Variants in CDC42BPA observed in about 807,000 individuals in gnomAD.
The protein encoded by CDC42BPA is CDC42 binding protein kinase alpha.
A neutral mutation model predicts 223.5 loss-of-function variants in CDC42BPA; 80 were observed. The ratio of observed to expected loss-of-function variants is 0.36; its 90% confidence interval spans 0.30 to 0.43. The LOEUF (loss-of-function observed/expected upper bound fraction) is 0.43, where lower values mean the gene tolerates loss of function less well. Among genes scored for constraint, CDC42BPA ranks in the 20% least tolerant of loss-of-function variants. The probability of loss-of-function intolerance (pLI) is 1.00; values close to 1 mark genes in which losing one functional copy is unlikely to be tolerated. For synonymous variants in CDC42BPA, 694 were observed against 718.6 expected (o/e 0.97, Z 0.55); for missense variants, 1,743 against 2,099.9 (o/e 0.83, Z 3.32).
At chr1:227,307,589 G>C (rs1163957961) in intron 1 of CDC42BPA, among the ~76,000 whole-genome samples, 2 of 152,060 alleles carry the variant, frequency 1.3e-5, no homozygotes, top group African/African-American at 4.8e-5. Context: ...ATCCAAAGAG[G>C]CATACAAAAA....
chr1:227,155,006 T>C (rs1036347013), intron 6 of CDC42BPA, among the ~76,000 whole-genome samples: 6 of 152,262 alleles, frequency 3.9e-5, no homozygotes, highest in African/African-American at 9.6e-5. Context: ...TTAAGGTAAA[T>C]TGATTCAGCT....
chr1:227,208,708 G>A (rs1572375863), intron 3 of CDC42BPA, among the ~76,000 whole-genome samples: 1 of 151,536 alleles, frequency 6.6e-6, no homozygotes, highest in African/African-American at 2.4e-5. Flanking sequence ...CTGTTCCACT[G>A]ATCTATATCT....
At chr1:227,092,021 A>C in intron 15 of CDC42BPA, 30 bp from the exon 16 acceptor site, 1 of 1,255,756 alleles carries the variant, frequency 8.0e-7, no homozygotes, top group Non-Finnish European at 1.1e-6. Context: ...AAAAGGAAAA[A>C]GGGGAATTAA....
At chr1:227,200,066 G>A (rs1446403031) in intron 3 of CDC42BPA, among the ~76,000 whole-genome samples, 1 of 152,074 alleles carries the variant, frequency 6.6e-6, no homozygotes. Flanking sequence ...ATAATCTGAA[G>A]TCAGTGGATA....
intron 9 of CDC42BPA, among the ~76,000 whole-genome samples, chr1:227,141,557 G>A (rs893007350): frequency 1.3e-5 from 2 of 152,148 alleles, no homozygotes; most frequent in Non-Finnish European, 2.9e-5. Context: ...ATGGTAACTG[G>A]AGCTTGTGGA....
intron 3 of CDC42BPA, among the ~76,000 whole-genome samples, chr1:227,207,663 A>G (rs958729055): frequency 5.4e-5 from 8 of 149,498 alleles, no homozygotes; most frequent in African/African-American, 1.2e-4. Flanking sequence ...ATGATTTCCA[A>G]TTTCATCTAT....
At chr1:227,249,850 A>AT (rs1378706063) in intron 2 of CDC42BPA, among the ~76,000 whole-genome samples, 6 of 152,010 alleles carry the variant, frequency 3.9e-5, no homozygotes, top group Non-Finnish European at 8.8e-5. Context: ...ATTAATGAGT[A>AT]CAAAAAAAAC....
Position 227,005,098 on chromosome 1 carries a change from T to C in CDC42BPA, c.4871A>G (p.Gln1624Arg), listed in dbSNP as rs756328956. Residue 1624 changes from glutamine to arginine, a missense_variant, in exon 35 of 37, where the codon CAG becomes CGG. Transcript: ENST00000366766. ...LKDLPMNPRP[Q>R]ESRTVFSGSV... ...GCCACTGAATACTGTCCGACTTTCC[T>C]GAGGCCGAGGGTTCTATAAACAAAA... The C allele has an allele frequency of 1.9e-6, 3 of 1,613,344 alleles. No individual in the cohort carries two copies. Among genetic ancestry groups the C allele is most frequent in the South Asian group, 1.1e-5 (1 of 91,080 alleles).
At chr1:227,223,184 AAGG>A (rs4065213) in intron 2 of CDC42BPA, among the ~76,000 whole-genome samples, 14,873 of 152,150 alleles carry the variant, frequency 0.098, 1,166 homozygotes, top group East Asian at 0.36. Flanking sequence ...CTCCAGAAAA[AAGG>A]GGACTGAAAT....
intron 23 of CDC42BPA, among the ~76,000 whole-genome samples, chr1:227,042,297 G>GATAT (rs10544091): frequency 6.1e-5 from 9 of 147,608 alleles, no homozygotes; most frequent in Admixed American, 4.0e-4. Context: ...ATACATATAT[G>GATAT]ATATATATAT....
chr1:227,282,188 CAAA>C (rs10715170), intron 1 of CDC42BPA, among the ~76,000 whole-genome samples: 84 of 105,654 alleles, frequency 8.0e-4, no homozygotes, highest in East Asian at 2.9e-3. Context: ...AACTCCGTCT[CAAA>C]AAAAAAAAAA....
At chr1:227,065,779 G>C (rs1232417166) in intron 21 of CDC42BPA, among the ~76,000 whole-genome samples, 3 of 152,140 alleles carry the variant, frequency 2.0e-5, no homozygotes, top group Non-Finnish European at 4.4e-5. Context: ...ACAAATCAGA[G>C]GGCAGCATGA....
rs1468322958 is a variant in CDC42BPA, at chr1:227,022,589, TA to T, written c.4615+673del. Among the ~76,000 whole-genome samples, 5 of 152,346 alleles carry T rather than the reference TA, an allele frequency of 3.3e-5. No individual in the cohort carries two copies. In the East Asian group the frequency reaches 5.8e-4, roughly 18 times the overall value. On this transcript the variant is annotated intron_variant, in intron 32 of 36. Coordinates refer to ENST00000366766, the MANE Select transcript of CDC42BPA (RefSeq NM_001394014.1). ...CTTTATTATATAGAAGAGGGCACTA[TA>T]ATAATGTTCGTTAAAAGTGAGACTT...
intron 2 of CDC42BPA, among the ~76,000 whole-genome samples, chr1:227,231,311 A>G (rs12403650): frequency 0.098 from 14,920 of 151,732 alleles, 870 homozygotes; most frequent in Middle Eastern, 0.17. Flanking sequence ...AAGGACATGA[A>G]CTCATCCTTT....
rs763915946 is a variant in CDC42BPA at position 227,072,224 on chromosome 1, C to A, written c.2811G>T (p.Glu937Asp). ...EIEQLIKDTE[E>D]LRSEKGIEHQ... Reference sequence around the variant, plus strand: ...CTCCCATACCCTTTTCAGATCTAAGCTCTTCAGTGTCCTTTATCAGCTGTT... The same window carrying A: ...CTCCCATACCCTTTTCAGATCTAAGATCTTCAGTGTCCTTTATCAGCTGTT... The change falls in exon 20 of 37, where the codon GAG becomes GAT. Residue 937 changes from glutamate (E) to aspartate (D), a missense_variant. This residue lies in a region of CDC42BPA where 678 missense variants were observed against 777.5 expected (regional missense o/e 0.87). Transcript: ENST00000366766. 2 of 1,600,584 alleles carry A rather than the reference C, an allele frequency of 1.2e-6. No individual in the cohort carries two copies. Among genetic ancestry groups the A allele is most frequent in the East Asian group, 2.2e-5 (1 of 44,670 alleles).
intron 5 of CDC42BPA, chr1:227,180,544 G>T (rs191227982): frequency 1.3e-5 from 2 of 152,252 alleles, no homozygotes; most frequent in East Asian, 3.9e-4. Context: ...TTGTTTAAAT[G>T]GTGATATTGT....
intron 6 of CDC42BPA, among the ~76,000 whole-genome samples, 172 bp from the exon 7 acceptor site, chr1:227,147,731 T>C (rs777709916): frequency 3.3e-5 from 5 of 152,174 alleles, no homozygotes; most frequent in South Asian, 2.1e-4. Context: ...CCCACATTAA[T>C]AGTTTTCAGG....
At chr1:227,052,775 G>C (rs981257886) in intron 21 of CDC42BPA, among the ~76,000 whole-genome samples, 1 of 152,144 alleles carries the variant, frequency 6.6e-6, no homozygotes, top group Non-Finnish European at 1.5e-5. Context: ...ATCAGTTTAA[G>C]AATTTAAACA....
intron 1 of CDC42BPA, among the ~76,000 whole-genome samples, chr1:227,276,748 T>C (rs537933992): frequency 1.8e-4 from 27 of 152,364 alleles, no homozygotes; most frequent in Admixed American, 5.9e-4. Flanking sequence ...TCTTCTGCCT[T>C]GGGATGCTGT....
Sources: allele counts gnomAD v4.1 joint callset (sites outside exome capture counted in the v4.1 genomes callset), GRCh38; gene constraint gnomAD v4.1.1; regional missense constraint gnomAD v4.1.1; transcripts MANE v1.5; gene names NCBI Gene and HGNC (gene_info 2026-07-23, HGNC 2026-07-21).